The following EXOC4 variants were observed in gnomAD, a reference collection of about 807,000 sequenced individuals.
EXOC4 encodes the protein SEC8-like 1.
Under a neutral mutation model 107.2 loss-of-function variants are expected in EXOC4, and 71 were observed. The observed-to-expected ratio is 0.66, with a 90% CI of 0.55 to 0.81. The LOEUF is 0.81. Among genes scored for constraint, EXOC4 ranks in the 30% least tolerant of loss-of-function variants. The pLI is 0.00. For synonymous variants in EXOC4, 456 were observed against 441.2 expected, an observed-to-expected ratio of 1.03 and a Z score of -0.42; for missense variants, 1,108 against 1,189.6, an observed-to-expected ratio of 0.93 and a Z score of 1.01.
chr7:133,911,693 T>C (rs1799699330), intron 12 of EXOC4, among the ~76,000 whole-genome samples: 1 of 152,234 alleles, frequency 6.6e-6, no homozygotes, highest in South Asian at 2.1e-4. Flanking sequence ...TGGAAAATTC[T>C]AGCCCTTCAA....
chr7:133,395,665 C>T (rs1025386582), intron 7 of EXOC4, among the ~76,000 whole-genome samples: 2 of 151,848 alleles, frequency 1.3e-5, no homozygotes, highest in African/African-American at 4.9e-5. Context: ...TATATATATA[C>T]ACTGTATATA....
chr7:133,554,966 A>C (rs1284175082), intron 9 of EXOC4, among the ~76,000 whole-genome samples: 1 of 152,154 alleles, frequency 6.6e-6, no homozygotes, highest in Non-Finnish European at 1.5e-5. Context: ...ATTTCTATGG[A>C]TAGAAAATAT....
At chr7:133,472,975 G>T (rs1468807002) in intron 7 of EXOC4, among the ~76,000 whole-genome samples, 1 of 152,142 alleles carries the variant, frequency 6.6e-6, no homozygotes. Flanking sequence ...CCTCAAAAGA[G>T]TTACTTGGAT....
intron 5 of EXOC4, among the ~76,000 whole-genome samples, chr7:133,353,837 A>G (rs1795963856): frequency 6.6e-6 from 1 of 151,646 alleles, no homozygotes; most frequent in Non-Finnish European, 1.5e-5. Context: ...TTAGATGATA[A>G]TTTCCATTGT....
intron 7 of EXOC4, among the ~76,000 whole-genome samples, chr7:133,468,470 A>C (rs1798787849): frequency 6.6e-6 from 1 of 152,224 alleles, no homozygotes; most frequent in Admixed American, 6.5e-5. Context: ...AAACTCGATA[A>C]GTTTTTGTAA....
intron 17 of EXOC4, among the ~76,000 whole-genome samples, chr7:134,049,710 T>C (rs1322917941): frequency 3.3e-5 from 5 of 152,222 alleles, no homozygotes; most frequent in African/African-American, 1.2e-4. Flanking sequence ...CACCAGACTC[T>C]GCATCGCCAG....
intron 11 of EXOC4, among the ~76,000 whole-genome samples, chr7:133,845,189 T>C (rs1798099344): frequency 6.6e-6 from 1 of 151,994 alleles, no homozygotes; most frequent in Non-Finnish European, 1.5e-5. Context: ...ATGTTGCTTT[T>C]CTAGTGCAAG....
intron 9 of EXOC4, among the ~76,000 whole-genome samples, chr7:133,514,081 G>T (rs1201002479): frequency 1.3e-5 from 2 of 151,836 alleles, no homozygotes; most frequent in African/African-American, 2.4e-5. Context: ...ATGTATTAAT[G>T]GTATTGATAA....
At position 133,479,831 on chromosome 7, in the gene EXOC4, C is replaced by T. The variant is rs1209080750; in HGVS notation, c.1329-219C>T. The T allele has an allele frequency of 4.3e-5, 23 of 537,698 alleles. No individual in the cohort carries two copies. The Admixed American group carries it at 6.7e-4, about 16-fold the overall frequency. 33.3% of individuals were successfully genotyped at this position (537,698 alleles called of 1,614,324 possible). ...TTGAAATGCAGAATAAGCAAAAGAT[C>T]CAAATACGGTTGTAAAGGAGCCTTA... is the stretch of plus-strand genomic sequence containing the variant. On this transcript the variant is annotated intron_variant, in intron 8 of 17. Coordinates refer to ENST00000253861, the MANE Select transcript of EXOC4 (RefSeq NM_021807.4).
At chr7:133,999,321 G>T (rs920077045) in intron 15 of EXOC4, among the ~76,000 whole-genome samples, 1 of 152,152 alleles carries the variant, frequency 6.6e-6, no homozygotes, top group Admixed American at 6.5e-5. Flanking sequence ...TTTCCAGGGT[G>T]ACTCCTTGTG....
intron 14 of EXOC4, among the ~76,000 whole-genome samples, chr7:133,944,383 C>T (rs1245519625): frequency 2.6e-5 from 4 of 152,104 alleles, no homozygotes; most frequent in Non-Finnish European, 5.9e-5. Context: ...GAATCTTCTT[C>T]AATCTGGGTT....
intron 10 of EXOC4, among the ~76,000 whole-genome samples, chr7:133,656,279 G>A (rs1435753301): frequency 6.6e-6 from 1 of 152,090 alleles, no homozygotes; most frequent in East Asian, 1.9e-4. Flanking sequence ...AAAACACATA[G>A]AATATACTGC....
chr7:133,649,525 C>T (rs1161384667), intron 10 of EXOC4, among the ~76,000 whole-genome samples: 3 of 128,570 alleles, frequency 2.3e-5, no homozygotes, highest in Admixed American at 1.7e-4. Flanking sequence ...TTCTTTCATG[C>T]TCATTTGTGT....
intron 9 of EXOC4, among the ~76,000 whole-genome samples, chr7:133,523,793 A>G (rs1265585013): frequency 3.3e-5 from 5 of 152,170 alleles, no homozygotes; most frequent in Non-Finnish European, 7.3e-5. Context: ...TTATGGCTGC[A>G]TAGTATTCCA....
intron 10 of EXOC4, among the ~76,000 whole-genome samples, chr7:133,718,300 A>ATACAGAGGC (rs1330599418): frequency 3.9e-5 from 6 of 152,168 alleles, no homozygotes; most frequent in Non-Finnish European, 7.4e-5. Context: ...TTGGTGGGGA[A>ATACAGAGGC]TACAGAGGCT....
chr7:133,572,927 A>G (rs1230169456), intron 9 of EXOC4, among the ~76,000 whole-genome samples: 1 of 152,220 alleles, frequency 6.6e-6, no homozygotes, highest in Non-Finnish European at 1.5e-5. Flanking sequence ...TGCTTGGGGA[A>G]AAGAGTCTGT....
chr7:133,434,297 A>G (rs536320226), intron 7 of EXOC4, among the ~76,000 whole-genome samples: 27 of 152,040 alleles, frequency 1.8e-4, no homozygotes, highest in Non-Finnish European at 3.2e-4. Flanking sequence ...CATGGGGGGG[A>G]AAAAGAAGGT....
intron 17 of EXOC4, among the ~76,000 whole-genome samples, chr7:134,040,712 G>A (rs540911790): frequency 1.4e-4 from 21 of 152,262 alleles, no homozygotes; most frequent in Non-Finnish European, 2.6e-4. Flanking sequence ...GCAATATGTA[G>A]CTAATTCTGA....
chr7:133,804,278 A>G (rs1453531905), intron 10 of EXOC4, among the ~76,000 whole-genome samples: 1 of 152,188 alleles, frequency 6.6e-6, no homozygotes, highest in African/African-American at 2.4e-5. Context: ...GTGTGTGAAT[A>G]CAGGAAAACA....
Sources: allele counts gnomAD v4.1 joint callset (sites outside exome capture counted in the v4.1 genomes callset), GRCh38; gene constraint gnomAD v4.1.1; transcripts MANE v1.5; gene names NCBI Gene and HGNC (gene_info 2026-07-23, HGNC 2026-07-21).